GLRA1: variants seen among roughly 807,000 people sequenced by gnomAD.
GLRA1 encodes the protein glycine receptor alpha 1.
Under a neutral mutation model 48.3 loss-of-function variants are expected in GLRA1, and 37 were observed. That is an observed-to-expected ratio of 0.77 (90% CI 0.59 to 1.01). GLRA1 has a LOEUF of 1.01. Among genes scored for constraint, GLRA1 ranks in the 50% least tolerant of loss-of-function variants. The probability of loss-of-function intolerance (pLI) is 0.00; values close to 1 mark genes in which losing one functional copy is unlikely to be tolerated. For missense variants in GLRA1, 427 were observed against 571.0 expected, an observed-to-expected ratio of 0.75 and a Z score of 2.57; for synonymous variants, 196 against 210.7, an observed-to-expected ratio of 0.93 and a Z score of 0.60.
chr5:151,899,295 G>A (rs1462345164), intron 1 of GLRA1, among the ~76,000 whole-genome samples: 2 of 152,192 alleles, frequency 1.3e-5, no homozygotes, highest in African/African-American at 2.4e-5. Flanking sequence ...TTGAGGGGAA[G>A]GCGGGGATTA....
intron 3 of GLRA1, among the ~76,000 whole-genome samples, chr5:151,876,805 A>G (rs1450125575): frequency 6.6e-6 from 1 of 152,042 alleles, no homozygotes; most frequent in African/African-American, 2.4e-5. Flanking sequence ...TGAAGCCCTA[A>G]CCCCCAGAGT....
intron 3 of GLRA1, among the ~76,000 whole-genome samples, chr5:151,884,274 C>T (rs1308579114): frequency 6.6e-6 from 1 of 151,994 alleles, no homozygotes; most frequent in Non-Finnish European, 1.5e-5. Flanking sequence ...ATCAAAAATA[C>T]AAAAATTAGC....
At chr5:151,843,910 C>G (rs1447354843) in intron 7 of GLRA1, among the ~76,000 whole-genome samples, 1 of 152,156 alleles carries the variant, frequency 6.6e-6, no homozygotes, top group African/African-American at 2.4e-5. Flanking sequence ...TGGCTCACAC[C>G]TGTAATCCTA....
intron 3 of GLRA1, among the ~76,000 whole-genome samples, chr5:151,862,462 G>T (rs754574366): frequency 2.0e-5 from 3 of 151,768 alleles, no homozygotes; most frequent in Admixed American, 2.0e-4. Context: ...CACAGCAAAC[G>T]AAACTACCAT....
intron 2 of GLRA1, 91 bp from the exon 3 acceptor site, chr5:151,886,879 G>A: frequency 1.1e-6 from 1 of 941,986 alleles, no homozygotes; most frequent in Non-Finnish European, 1.8e-6. Context: ...CTTCTGGAAT[G>A]GATCGCCTTT....
intron 1 of GLRA1, among the ~76,000 whole-genome samples, chr5:151,920,247 T>C (rs981751013): frequency 2.6e-5 from 4 of 152,168 alleles, no homozygotes; most frequent in African/African-American, 9.7e-5. Flanking sequence ...AATGTAGAAG[T>C]GTCAGATTCA....
chr5:151,866,112 A>G (rs561076585), intron 3 of GLRA1, among the ~76,000 whole-genome samples: 1 of 152,142 alleles, frequency 6.6e-6, no homozygotes, highest in African/African-American at 2.4e-5. Context: ...CTAGGTCTCA[A>G]ACTCTCAAGG....
At chr5:151,890,028 A>G (rs907464956) in intron 2 of GLRA1, among the ~76,000 whole-genome samples, 5 of 152,158 alleles carry the variant, frequency 3.3e-5, no homozygotes, top group Admixed American at 3.3e-4. Flanking sequence ...GGAAGGTTGG[A>G]CGGACCTTGA....
chr5:151,826,776 C>T (rs1763280591), intron 8 of GLRA1, among the ~76,000 whole-genome samples: 1 of 152,136 alleles, frequency 6.6e-6, no homozygotes. Context: ...GTACCATAGG[C>T]CCACCATACT....
At chr5:151,881,575 A>G (rs992963974) in intron 3 of GLRA1, among the ~76,000 whole-genome samples, 4 of 150,130 alleles carry the variant, frequency 2.7e-5, no homozygotes, top group East Asian at 3.9e-4. Context: ...GGCTCAAGCA[A>G]TCTGCGCACC....
chr5:151,859,113 ATAGT>A (rs1753126590), intron 4 of GLRA1, among the ~76,000 whole-genome samples: 1 of 152,204 alleles, frequency 6.6e-6, no homozygotes, highest in African/African-American at 2.4e-5. Flanking sequence ...AGTACCTGGC[ATAGT>A]TAGTGAATTC....
In GLRA1 at chr5:151,886,775, G is replaced by A. The variant is rs200606738; in HGVS notation, c.198C>T (p.Asn66=). The change falls in exon 3 of 9, where the codon AAC becomes AAT. Residue 66 remains asparagine (N), a synonymous_variant. Transcript: ENST00000274576. ...IRPNFKGPPV[N]VSCNIFINSF... is the part of the protein sequence containing the mutation. The stretch of plus-strand genomic sequence containing the variant: ...TGTTGATGAAAATGTTGCAGCTCAC[G>A]TTCACTGGGGGACCTGCCAATCAAG... The A allele has an allele frequency of 5.0e-5, 81 of 1,612,630 alleles. No homozygotes were observed. The highest frequency in any genetic ancestry group is 2.9e-4 in the East Asian group (13 of 44,874).
intron 2 of GLRA1, among the ~76,000 whole-genome samples, chr5:151,891,574 A>G (rs1428293475): frequency 6.6e-6 from 1 of 152,180 alleles, no homozygotes; most frequent in African/African-American, 2.4e-5. Flanking sequence ...CTGCCCCTGT[A>G]GAGGAGCCTG....
chr5:151,845,081 G>C (rs1752635525), intron 7 of GLRA1, among the ~76,000 whole-genome samples: 1 of 151,890 alleles, frequency 6.6e-6, no homozygotes, highest in South Asian at 2.1e-4. Flanking sequence ...GAACATGCAG[G>C]TTTGTTACAT....
At chr5:151,900,202 A>G (rs551387240) in intron 1 of GLRA1, among the ~76,000 whole-genome samples, 7 of 152,196 alleles carry the variant, frequency 4.6e-5, no homozygotes, top group Non-Finnish European at 1.0e-4. Flanking sequence ...ACTCAATCCC[A>G]GGGTTGCATA....
intron 2 of GLRA1, among the ~76,000 whole-genome samples, chr5:151,889,535 G>C (rs1754002913): frequency 6.6e-6 from 1 of 152,162 alleles, no homozygotes; most frequent in Non-Finnish European, 1.5e-5. Context: ...CTTTGCCATT[G>C]TACTCTGCAG....
intron 1 of GLRA1, among the ~76,000 whole-genome samples, chr5:151,908,177 C>T (rs1319356077): frequency 6.6e-6 from 1 of 152,186 alleles, no homozygotes. Context: ...TCAGTCTAGG[C>T]TCCTACCAAC....
At chr5:151,901,098 C>A (rs529823812) in intron 1 of GLRA1, among the ~76,000 whole-genome samples, 1 of 152,290 alleles carries the variant, frequency 6.6e-6, no homozygotes, top group African/African-American at 2.4e-5. Context: ...AAATACAAGG[C>A]AGAAAAATAA....
chr5:151,831,395 A>G (rs1288895758), intron 7 of GLRA1, among the ~76,000 whole-genome samples: 1 of 152,240 alleles, frequency 6.6e-6, no homozygotes, highest in African/African-American at 2.4e-5. Context: ...GCTAAGATCC[A>G]CTGGCTTGAA....
Sources: gnomAD v4.1 joint callset for allele counts (sites outside exome capture counted in the v4.1 genomes callset) on GRCh38, gnomAD v4.1.1 for gene constraint, MANE v1.5 for transcripts, NCBI Gene and HGNC (gene_info 2026-07-23, HGNC 2026-07-21) for gene names.